The following TRIM22 variants were observed in gnomAD, a reference collection of about 807,000 sequenced individuals.
TRIM22 encodes E3 ubiquitin-protein ligase TRIM22.
TRIM22 carries 45 observed loss-of-function variants against 53.6 expected under a neutral mutation model. The ratio of observed to expected loss-of-function variants is 0.84; its 90% CI spans 0.66 to 1.08. The LOEUF is 1.08. TRIM22 is among the 50% of genes least tolerant of loss of function. The pLI, the probability that TRIM22 is intolerant of heterozygous loss-of-function variation, is 0.00. For missense variants in TRIM22, 616 were observed against 590.9 expected, an observed-to-expected ratio of 1.04 and a Z score of -0.44; for synonymous variants, 225 against 216.6, an observed-to-expected ratio of 1.04 and a Z score of -0.34.
At chr11:5,706,434 G>A in intron 4 of TRIM22, 160 bp from the exon 5 acceptor site, 1 of 476,694 alleles carries the variant, frequency 2.1e-6, no homozygotes, top group East Asian at 3.7e-5. Context: ...TCAGATAAAA[G>A]AAATGTAATA....
intron 4 of TRIM22, among the ~76,000 whole-genome samples, chr11:5,702,420 A>T (rs908971433): frequency 2.7e-5 from 4 of 147,716 alleles, no homozygotes; most frequent in Non-Finnish European, 6.0e-5. Flanking sequence ...AAAATATTTT[A>T]AAAATATAAA....
Position 5,698,914 on chromosome 11 carries a change from G to A in TRIM22, c.750+369G>A, listed in dbSNP as rs1853317398. Among the ~76,000 whole-genome samples the A allele has an allele frequency of 2.0e-5, 3 of 152,252 alleles. No homozygotes were observed. In the South Asian group the frequency reaches 6.2e-4, roughly 32 times the overall value. ...CCTCCTGGCAGCCTATCTGTTTTCT[G>A]TCTGTATAGAATTGGCTTCTCTGGA... is the stretch of plus-strand genomic sequence containing the variant. On this transcript the variant is annotated intron_variant, in intron 4 of 7. Coordinates refer to ENST00000379965, the MANE Select transcript of TRIM22 (RefSeq NM_006074.5).
chr11:5,694,464 G>T lies in TRIM22; in HGVS notation c.-66-1703G>T, dbSNP rs946065883. Reference sequence around the variant, plus strand: ...GCCCCAGAACTACATAGCTGGTCTGGATCTCTCCATTTCTATACCCCCAAT... The same window carrying T: ...GCCCCAGAACTACATAGCTGGTCTGTATCTCTCCATTTCTATACCCCCAAT... On this transcript the variant is annotated intron_variant, in intron 1 of 7. Transcript: ENST00000379965. 1.0e-3 allele frequency among the ~76,000 whole-genome samples: 157 copies of T among 152,136 alleles called. 2 individuals carry two copies. The highest frequency in any genetic ancestry group is 0.01 in the Admixed American group (157 of 15,276).
chr11:5,693,774 G>A (rs1445613967), intron 1 of TRIM22, among the ~76,000 whole-genome samples: 1 of 149,706 alleles, frequency 6.7e-6, no homozygotes, highest in Non-Finnish European at 1.5e-5. Flanking sequence ...ATAAGCACTT[G>A]TATTAGTTTT....
intron 4 of TRIM22, among the ~76,000 whole-genome samples, chr11:5,699,530 CAAAAAAAAAAAAAAAAAAAAAAAAAAAAA>C (rs71053298): frequency 7.0e-5 from 2 of 28,522 alleles, no homozygotes; most frequent in Non-Finnish European, 1.1e-4. Context: ...GACTCCGTCT[CAAAAAAAAAAAAAAAAAAAAAAAAAAAAA>C]AAAAAAAAAA....
intron 4 of TRIM22, among the ~76,000 whole-genome samples, chr11:5,704,296 G>A (rs544458958): frequency 4.6e-5 from 7 of 150,624 alleles, no homozygotes; most frequent in African/African-American, 1.5e-4. Context: ...CCAATACAAT[G>A]TTGACCTTAG....
At chr11:5,708,328 A>G in intron 6 of TRIM22, 55 bp downstream of exon 6, 2 of 1,523,978 alleles carry the variant, frequency 1.3e-6, no homozygotes, top group African/African-American at 1.4e-5. Flanking sequence ...TCAGGGCTCA[A>G]TAGGGAAGCG....
intron 1 of TRIM22, 52 bp from the exon 2 acceptor site, chr11:5,696,115 A>C: frequency 1.2e-6 from 1 of 857,958 alleles, no homozygotes; most frequent in Non-Finnish European, 1.8e-6. Flanking sequence ...CTGTAAAAGC[A>C]GTATTCTTTC....
At position 5,710,591 on chromosome 11, in the gene TRIM22, C is replaced by G. The variant is rs1347797210; in HGVS notation, c.*943C>G. ...AGGTCAAATTTTATCTTTTCACTTACAAGCTCTATGATCTTAAATAATTTA... is the reference window on the plus strand; with the variant it reads ...AGGTCAAATTTTATCTTTTCACTTAGAAGCTCTATGATCTTAAATAATTTA... On this transcript the variant is annotated 3_prime_UTR_variant, in exon 8 of 8. Transcript: ENST00000379965. The G allele has an allele frequency of 6.6e-6, 1 of 152,184 alleles. No homozygotes were observed. Among genetic ancestry groups the G allele is most frequent in the Admixed American group, 6.5e-5 (1 of 15,280 alleles). The allele number at this position is 152,184 out of a possible 1,614,324, so 9.4% of individuals were successfully genotyped here.
At chr11:5,703,251 C>T (rs1853400721) in intron 4 of TRIM22, among the ~76,000 whole-genome samples, 1 of 152,182 alleles carries the variant, frequency 6.6e-6, no homozygotes, top group Non-Finnish European at 1.5e-5. Flanking sequence ...TTTATGTCCA[C>T]GTATGCTCAA....
intron 1 of TRIM22, among the ~76,000 whole-genome samples, chr11:5,691,612 A>G (rs1294390300): frequency 1.3e-5 from 2 of 152,182 alleles, no homozygotes; most frequent in Non-Finnish European, 2.9e-5. Context: ...GTAGCACCCA[A>G]TGAACCTCTG....
rs1288819219 is a variant in TRIM22, at chr11:5,700,980, T to C, written c.750+2435T>C. Among the ~76,000 whole-genome samples the C allele has an allele frequency of 1.3e-5, 2 of 152,226 alleles. 1 individual carries two copies. The highest frequency in any genetic ancestry group is 4.1e-4 in the South Asian group (2 of 4,832). On this transcript the variant is annotated intron_variant, in intron 4 of 7. Coordinates refer to ENST00000379965, the MANE Select transcript of TRIM22 (RefSeq NM_006074.5). Reference sequence around the variant, plus strand: ...GTTGATATAATCATATGATTTTTCTTCTTTATTGATATGGGAGATTACATT... The same window carrying C: ...GTTGATATAATCATATGATTTTTCTCCTTTATTGATATGGGAGATTACATT...
chr11:5,697,000 G>A, intron 2 of TRIM22: 1 of 511,270 alleles, frequency 2.0e-6, no homozygotes, highest in Non-Finnish European at 3.4e-6. Context: ...CCTTACTGCA[G>A]GGTCTGCTTT....
intron 5 of TRIM22, among the ~76,000 whole-genome samples, 174 bp from the exon 6 acceptor site, chr11:5,707,999 G>C (rs1043135912): frequency 2.6e-5 from 4 of 152,178 alleles, no homozygotes; most frequent in Non-Finnish European, 4.4e-5. Flanking sequence ...ACACAGACAG[G>C]TAGACATGAG....
Position 5,699,530 on chromosome 11 carries a change from C to CA in TRIM22, c.750+1024dup, listed in dbSNP as rs71053298. On this transcript the variant is annotated intron_variant, in intron 4 of 7. Coordinates refer to ENST00000379965, the MANE Select transcript of TRIM22 (RefSeq NM_006074.5). ...TGGGCGACAGAGCGAGACTCCGTCT[C>CA]AAAAAAAAAAAAAAAAAAAAAAAAA... is the stretch of plus-strand genomic sequence containing the variant. 1.3e-3 allele frequency among the ~76,000 whole-genome samples: 38 copies of CA among 28,544 alleles called. 12 individuals carry two copies. The highest frequency in any genetic ancestry group is 1.5e-3 in the African/African-American group (8 of 5,382). 18.7% of individuals were successfully genotyped at this position (28,544 alleles called of 152,430 possible).
At chr11:5,697,369 T>G in intron 3 of TRIM22, 26 bp downstream of exon 3, 1 of 1,566,448 alleles carries the variant, frequency 6.4e-7, no homozygotes, top group African/African-American at 1.4e-5. Flanking sequence ...TCCTAAGGGA[T>G]AATTAGACAG....
At chr11:5,699,404 G>A (rs914662360) in intron 4 of TRIM22, among the ~76,000 whole-genome samples, 1 of 143,364 alleles carries the variant, frequency 7.0e-6, no homozygotes, top group African/African-American at 2.8e-5. Context: ...GGCGCCTGTA[G>A]TCCCAGCTAC....
rs560395787 is a variant in TRIM22, at chr11:5,710,053, C to T, written c.*405C>T. ...CCAGTCATACTGGCTCAGGGCCCAC[C>T]GCTAATGCCTTAATGAAATCATTTT... On this transcript the variant is annotated 3_prime_UTR_variant, in exon 8 of 8. Coordinates refer to ENST00000379965, the MANE Select transcript of TRIM22 (RefSeq NM_006074.5). 3.5e-5 allele frequency: 6 copies of T among 171,162 alleles called. No homozygotes were observed. The highest frequency in any genetic ancestry group is 1.7e-4 in the South Asian group (1 of 5,918). The allele number at this position is 171,162 out of a possible 1,614,324, so 10.6% of individuals were successfully genotyped here. A position where few individuals can be genotyped will look rare whatever the true frequency, so the allele number is the denominator to read the frequency against.
rs1853532492 is a variant in TRIM22 at position 5,709,946 on chromosome 11, T to C, written c.*298T>C. Reference sequence around the variant, plus strand: ...GTTCCATGCCTCTCTCCTTGGCTTGTAGAAGGCATCTTGTCCCTATGACTC... The same window carrying C: ...GTTCCATGCCTCTCTCCTTGGCTTGCAGAAGGCATCTTGTCCCTATGACTC... On this transcript the variant is annotated 3_prime_UTR_variant, in exon 8 of 8. Transcript: ENST00000379965. 8.6e-6 allele frequency: 3 copies of C among 349,360 alleles called. No individual in the cohort carries two copies. The highest frequency in any genetic ancestry group is 1.6e-5 in the Non-Finnish European group (3 of 192,850). The allele number at this position is 349,360 out of a possible 1,614,324, so 21.6% of individuals were successfully genotyped here.
Sources: allele counts gnomAD v4.1 joint callset (sites outside exome capture counted in the v4.1 genomes callset), GRCh38; gene constraint gnomAD v4.1.1; transcripts MANE v1.5; gene names NCBI Gene and HGNC (gene_info 2026-07-23, HGNC 2026-07-21).